The following SLFN12L variants were observed in gnomAD, a reference collection of about 807,000 sequenced individuals.
SLFN12L encodes the protein schlafen family member 12-like.
In SLFN12L, 34 loss-of-function variants were observed where a neutral mutation model predicts 34.8. The ratio of observed to expected loss-of-function variants is 0.98; its 90% CI spans 0.74 to 1.30. The LOEUF is 1.30. SLFN12L is among the 50% of genes most tolerant of loss of function. The pLI is 0.00. For missense variants in SLFN12L, 703 were observed against 696.2 expected, an observed-to-expected ratio of 1.01 and a Z score of -0.11; for synonymous variants, 259 against 247.5, an observed-to-expected ratio of 1.05 and a Z score of -0.44.
At chr17:35,483,296 T>G (rs1377442616) in intron 2 of SLFN12L, among the ~76,000 whole-genome samples, 1 of 152,132 alleles carries the variant, frequency 6.6e-6, no homozygotes, top group Admixed American at 6.5e-5. Flanking sequence ...TTAATAAAGC[T>G]CATCTTCGTC....
chr17:35,507,480 C>T (rs1225552591), intron 2 of SLFN12L, among the ~76,000 whole-genome samples: 4 of 152,180 alleles, frequency 2.6e-5, no homozygotes, highest in Non-Finnish European at 4.4e-5. Context: ...CTCTTGACAA[C>T]TTGCTAGCAG....
At position 35,488,781 on chromosome 17, in the gene SLFN12L, T is replaced by C. The variant is rs956418179; in HGVS notation, c.87-8586A>G. Among the ~76,000 whole-genome samples, 3 of 152,086 alleles carry C rather than the reference T, an allele frequency of 2.0e-5. No individual in the cohort carries two copies. In the South Asian group the frequency reaches 6.2e-4, roughly 32 times the overall value. On this transcript the variant is annotated intron_variant, in intron 2 of 4. Transcript: ENST00000628453. Reference sequence around the variant, plus strand: ...TGAATGAGCACATGCATTGAAAGTATATAGCTGGCCGGGCGCGGTGGCTCA... The same window carrying C: ...TGAATGAGCACATGCATTGAAAGTACATAGCTGGCCGGGCGCGGTGGCTCA...
intron 2 of SLFN12L, among the ~76,000 whole-genome samples, chr17:35,512,789 T>C (rs1413974281): frequency 6.6e-6 from 1 of 152,262 alleles, no homozygotes; most frequent in East Asian, 1.9e-4. Flanking sequence ...ACGATATCAC[T>C]GCCTTTTCAG....
intron 2 of SLFN12L, among the ~76,000 whole-genome samples, chr17:35,489,039 C>G (rs1335490251): frequency 2.6e-5 from 4 of 152,184 alleles, no homozygotes; most frequent in Non-Finnish European, 5.9e-5. Flanking sequence ...CACTGCACTC[C>G]AGCCTAGGCG....
rs1417795119 is a variant in SLFN12L, at chr17:35,467,533, C to T, written c.*7390G>A. On this transcript the variant is annotated 3_prime_UTR_variant, in exon 5 of 5. Transcript: ENST00000628453. ...CAGGCATTCAATAAAACTTTCATGACCCTAATAGGTCCCAAATAGCCAGTT... is the reference window on the plus strand; with the variant it reads ...CAGGCATTCAATAAAACTTTCATGATCCTAATAGGTCCCAAATAGCCAGTT... Among the ~76,000 whole-genome samples, 1 of 152,172 alleles carries T rather than the reference C, an allele frequency of 6.6e-6. No homozygotes were observed. Among genetic ancestry groups the T allele is most frequent in the Non-Finnish European group, 1.5e-5 (1 of 68,038 alleles).
At position 35,496,544 on chromosome 17, in the gene SLFN12L, C is replaced by T. The variant is rs529748399; in HGVS notation, c.87-16349G>A. On this transcript the variant is annotated intron_variant, in intron 2 of 4. Transcript: ENST00000628453. Reference sequence around the variant, plus strand: ...GTCCCTCCGGCCCCTCCTTTCCCTTCCCTCCCCTCCCCTCATGACCTCGAC... The same window carrying T: ...GTCCCTCCGGCCCCTCCTTTCCCTTTCCTCCCCTCCCCTCATGACCTCGAC... 2.9e-3 allele frequency among the ~76,000 whole-genome samples: 388 copies of T among 135,510 alleles called. 1 individual carries two copies. Among genetic ancestry groups the T allele is most frequent in the Admixed American group, 7.6e-3 (100 of 13,190 alleles). The allele number at this position is 135,510 out of a possible 152,430, so 88.9% of individuals were successfully genotyped here. A position where few individuals can be genotyped will look rare whatever the true frequency, so the allele number is the denominator to read the frequency against.
intron 2 of SLFN12L, among the ~76,000 whole-genome samples, chr17:35,509,078 A>C (rs932816564): frequency 6.6e-6 from 1 of 152,200 alleles, no homozygotes; most frequent in Non-Finnish European, 1.5e-5. Flanking sequence ...GTATGGCTGG[A>C]GTTAGGAGAA....
At position 35,474,693 on chromosome 17, in the gene SLFN12L, G is replaced by GC. The variant is rs1461052505; in HGVS notation, c.*229_*230insG. 3.7e-5 allele frequency: 14 copies of GC among 374,872 alleles called. No individual in the cohort carries two copies. Among genetic ancestry groups the GC allele is most frequent in the South Asian group, 3.1e-4 (11 of 35,322 alleles). 23.2% of individuals were successfully genotyped at this position (374,872 alleles called of 1,614,324 possible). On this transcript the variant is annotated 3_prime_UTR_variant, in exon 5 of 5. Transcript: ENST00000628453. ...TCCTAGCACTTTGGGAGACCGGGGG[G>GC]GGGGGTTGAATCACGAGGTCAGGAG...
intron 2 of SLFN12L, among the ~76,000 whole-genome samples, chr17:35,492,360 G>A (rs981507068): frequency 2.0e-5 from 3 of 152,192 alleles, no homozygotes; most frequent in African/African-American, 7.2e-5. Flanking sequence ...GCAGGCATGG[G>A]TCCCTCCATC....
At position 35,468,755 on chromosome 17, in the gene SLFN12L, C is replaced by T. The variant is rs1036497890; in HGVS notation, c.*6168G>A. Among the ~76,000 whole-genome samples, 2 of 152,168 alleles carry T rather than the reference C, an allele frequency of 1.3e-5. No individual in the cohort carries two copies. Among genetic ancestry groups the T allele is most frequent in the African/African-American group, 4.8e-5 (2 of 41,436 alleles). On this transcript the variant is annotated 3_prime_UTR_variant, in exon 5 of 5. Transcript: ENST00000628453. ...TAATGGAGGGCCAAGCACAGTGACT[C>T]ATGCCTATAATTCCAGCACTTTGGG...
At chr17:35,511,325 G>C (rs1042087911) in intron 2 of SLFN12L, among the ~76,000 whole-genome samples, 6 of 152,206 alleles carry the variant, frequency 3.9e-5, no homozygotes, top group African/African-American at 1.4e-4. Context: ...TGGTCCTCAG[G>C]TTGTTTCAAC....
At chr17:35,482,664 C>T (rs970840707) in intron 2 of SLFN12L, among the ~76,000 whole-genome samples, 1 of 152,224 alleles carries the variant, frequency 6.6e-6, no homozygotes, top group Admixed American at 6.5e-5. Context: ...CACTGCCTGG[C>T]TTCTCCTTCT....
chr17:35,470,686 T>TTA lies in SLFN12L; in HGVS notation c.*4236_*4237insTA, dbSNP rs754542573. On this transcript the variant is annotated 3_prime_UTR_variant, in exon 5 of 5. Coordinates refer to ENST00000628453, the MANE Select transcript of SLFN12L (RefSeq NM_001363830.2). ...TGTTTTAAGTTCTTTTTTTTTTTTTTAATTTTTATTATACTTTAAGCTCTG... is the reference window on the plus strand; with the variant it reads ...TGTTTTAAGTTCTTTTTTTTTTTTTTTAAATTTTTATTATACTTTAAGCTCTG... The TTA allele has an allele frequency of 6.9e-6, 1 of 144,950 alleles. No homozygotes were observed. The highest frequency in any genetic ancestry group is 2.2e-4 in the South Asian group (1 of 4,534). The allele number at this position is 144,950 out of a possible 1,614,324, so 9.0% of individuals were successfully genotyped here.
In SLFN12L at chr17:35,472,665, A is replaced by C. The variant is rs1913825322; in HGVS notation, c.*2258T>G. On this transcript the variant is annotated 3_prime_UTR_variant, in exon 5 of 5. Transcript: ENST00000628453. ...TTTAATTTCATTTAATTCTGATTTG[A>C]TTCCATATGAAATTCTGTGAAGAAT... Among the ~76,000 whole-genome samples the C allele has an allele frequency of 6.6e-6, 1 of 152,108 alleles. No homozygotes were observed. Among genetic ancestry groups the C allele is most frequent in the African/African-American group, 2.4e-5 (1 of 41,430 alleles).
At chr17:35,490,003 C>G (rs1161474731) in intron 2 of SLFN12L, 15 of 1,577,776 alleles carry the variant, frequency 9.5e-6, no homozygotes, top group African/African-American at 2.7e-5. Context: ...AAGAAATATC[C>G]GACATCCAGA....
intron 2 of SLFN12L, among the ~76,000 whole-genome samples, chr17:35,520,093 A>G (rs957393566): frequency 1.3e-5 from 2 of 152,194 alleles, no homozygotes; most frequent in Non-Finnish European, 2.9e-5. Flanking sequence ...GCGTCCCTAC[A>G]CTTAAAGAAT....
In SLFN12L at chr17:35,474,879, C is replaced by T. The variant is rs949865297; in HGVS notation, c.*44G>A. On this transcript the variant is annotated 3_prime_UTR_variant, in exon 5 of 5. Coordinates refer to ENST00000628453, the MANE Select transcript of SLFN12L (RefSeq NM_001363830.2). ...CCAGGAGGCAGAGGTTGCAGTGAGT[C>T]GAGATCGTGTCACTACACTCCAGTC... 34 of 1,485,428 alleles carry T rather than the reference C, an allele frequency of 2.3e-5. No individual in the cohort carries two copies. Among genetic ancestry groups the T allele is most frequent in the African/African-American group, 2.3e-4 (16 of 71,088 alleles). The allele number at this position is 1,485,428 out of a possible 1,614,324, so 92.0% of individuals were successfully genotyped here. A position where few individuals can be genotyped will look rare whatever the true frequency, so the allele number is the denominator to read the frequency against.
intron 2 of SLFN12L, among the ~76,000 whole-genome samples, chr17:35,504,301 T>TAGAG (rs1915394901): frequency 1.3e-5 from 2 of 152,194 alleles, no homozygotes; most frequent in Non-Finnish European, 2.9e-5. Flanking sequence ...TTTTATGCTG[T>TAGAG]AGTTGGTCCA....
intron 3 of SLFN12L, 99 bp downstream of exon 3, chr17:35,479,018 T>G (rs745712404): frequency 2.0e-5 from 18 of 899,854 alleles, no homozygotes; most frequent in Non-Finnish European, 3.0e-5. Flanking sequence ...ATGTTGAAAT[T>G]TGAAGACTTT....
Sources: allele counts gnomAD v4.1 joint callset (sites outside exome capture counted in the v4.1 genomes callset), GRCh38; gene constraint gnomAD v4.1.1; transcripts MANE v1.5; gene names NCBI Gene and HGNC (gene_info 2026-07-23, HGNC 2026-07-21).